Variants in RBFOX3 observed in about 807,000 individuals in gnomAD.
RBFOX3 encodes RNA binding fox-1 homolog 3, also known as RNA binding protein fox-1 homolog 3.
In RBFOX3, 17 loss-of-function variants were observed where a neutral mutation model predicts 48.7. The observed-to-expected ratio is 0.35, with a 90% CI of 0.24 to 0.52. The LOEUF (loss-of-function observed/expected upper bound fraction) is 0.52. Among genes scored for constraint, RBFOX3 ranks in the 20% least tolerant of loss-of-function variants. RBFOX3 has a pLI of 0.94. For missense variants in RBFOX3, 382 were observed against 497.5 expected (o/e 0.77, Z 2.21); for synonymous variants, 212 against 209.5 (o/e 1.01, Z -0.10).
chr17:79,481,236 C>T lies in RBFOX3; in HGVS notation c.-175+1218G>A, dbSNP rs1322575280. Among the ~76,000 whole-genome samples, 1 of 152,194 alleles carries T rather than the reference C, an allele frequency of 6.6e-6. No homozygotes were observed. Among genetic ancestry groups the T allele is most frequent in the Non-Finnish European group, 1.5e-5 (1 of 68,034 alleles). ...GTTCTCGTCGGCATCATCTGCTCAG[C>T]CTACAGTGGGTCATCATGCAAAGCC... On this transcript the variant is annotated intron_variant, in intron 2 of 14. Coordinates refer to ENST00000693108, the MANE Select transcript of RBFOX3 (RefSeq NM_001350451.2). The surrounding 1 kb of genome is among the most constrained non-coding windows in gnomAD (Gnocchi z 5.4).
intron 2 of RBFOX3, among the ~76,000 whole-genome samples, chr17:79,379,854 T>C (rs1331303503): frequency 6.6e-6 from 1 of 152,072 alleles, no homozygotes; most frequent in Admixed American, 6.5e-5. Context: ...TCCCTCTAGT[T>C]ACCCACCTAA....
chr17:79,101,783 C>A lies in RBFOX3; in HGVS notation c.508-139G>T, dbSNP rs1306730211. On this transcript the variant is annotated intron_variant, in intron 8 of 14. Coordinates refer to ENST00000693108, the MANE Select transcript of RBFOX3 (RefSeq NM_001350451.2). Reference sequence around the variant, plus strand: ...TCCTCTCTCCACCATGCTGCCTGCCCTCCGGGAGCCTTGGCCCCCACTGCT... The same window carrying A: ...TCCTCTCTCCACCATGCTGCCTGCCATCCGGGAGCCTTGGCCCCCACTGCT... The A allele has an allele frequency of 1.6e-5, 13 of 795,136 alleles. No homozygotes were observed. The Admixed American group carries it at 2.0e-4, about 12-fold the overall frequency. The allele number at this position is 795,136 out of a possible 1,614,324, so 49.3% of individuals were successfully genotyped here. A position where few individuals can be genotyped will look rare whatever the true frequency, so the allele number is the denominator to read the frequency against.
At chr17:79,411,848 C>G (rs780450687) in intron 2 of RBFOX3, among the ~76,000 whole-genome samples, 6 of 152,116 alleles carry the variant, frequency 3.9e-5, no homozygotes, top group Non-Finnish European at 7.3e-5. Context: ...ATACTGGGGC[C>G]AATTAAATGG....
At chr17:79,578,677 A>T (rs1005422491) in intron 1 of RBFOX3, among the ~76,000 whole-genome samples, 7 of 152,322 alleles carry the variant, frequency 4.6e-5, no homozygotes, top group Admixed American at 6.5e-5. Context: ...TGGGAGAGGA[A>T]CTCCCTGACT....
At chr17:79,579,041 C>A (rs913408918) in intron 1 of RBFOX3, among the ~76,000 whole-genome samples, 1 of 152,226 alleles carries the variant, frequency 6.6e-6, no homozygotes, top group Non-Finnish European at 1.5e-5. Flanking sequence ...GGTCCATCTC[C>A]CATGCGTCTC....
chr17:79,318,854 C>CAAAAAAAAAAAAAAAAAA lies in RBFOX3; in HGVS notation c.-174-11048_-174-11031dup. Reference sequence around the variant, plus strand: ...TGGGTGACAGAGCGAGACTCCATCTCAAAAAAAAAAAAAAAAAAAAAAAAA... The same window carrying CAAAAAAAAAAAAAAAAAA: ...TGGGTGACAGAGCGAGACTCCATCTCAAAAAAAAAAAAAAAAAAAAAAAAAAAAAAAAAAAAAAAAAAA... On this transcript the variant is annotated intron_variant, in intron 2 of 14. Transcript: ENST00000693108. 6.8e-3 allele frequency among the ~76,000 whole-genome samples: 222 copies of CAAAAAAAAAAAAAAAAAA among 32,534 alleles called. 29 individuals carry two copies. Among genetic ancestry groups the CAAAAAAAAAAAAAAAAAA allele is most frequent in the Non-Finnish European group, 8.8e-3 (174 of 19,786 alleles). The allele number at this position is 32,534 out of a possible 152,430, so 21.3% of individuals were successfully genotyped here. A position where few individuals can be genotyped will look rare whatever the true frequency, so the allele number is the denominator to read the frequency against.
chr17:79,605,755 CA>C (rs1294616341), intron 1 of RBFOX3, among the ~76,000 whole-genome samples: 1 of 152,210 alleles, frequency 6.6e-6, no homozygotes, highest in Non-Finnish European at 1.5e-5. Flanking sequence ...CTTGCAGTAG[CA>C]AGTGCTTGGC....
intron 3 of RBFOX3, among the ~76,000 whole-genome samples, chr17:79,253,531 AT>A (rs976234908): frequency 3.7e-4 from 56 of 151,346 alleles, no homozygotes; most frequent in East Asian, 1.5e-3. Context: ...ATTAAATGAA[AT>A]TTTTTTTTTA....
chr17:79,133,385 TGTTTGCTGAGCACCTACTAG>T lies in RBFOX3; in HGVS notation c.-33-17657_-33-17638del, dbSNP rs537122872. 6.9e-3 allele frequency among the ~76,000 whole-genome samples: 1,048 copies of T among 152,308 alleles called. 4 individuals are homozygous for T. Among genetic ancestry groups the T allele is most frequent in the Non-Finnish European group, 0.011 (742 of 68,018 alleles). ...CCTTCCCACTCACTCAGCTGAGATC[TGTTTGCTGAGCACCTACTAG>T]GTTTGCTGAGCACCTACTAGCCATC... On this transcript the variant is annotated intron_variant, in intron 4 of 14. Coordinates refer to ENST00000693108, the MANE Select transcript of RBFOX3 (RefSeq NM_001350451.2).
chr17:79,614,777 A>G (rs1224971211), upstream of RBFOX3, among the ~76,000 whole-genome samples: 2 of 152,184 alleles, frequency 1.3e-5, no homozygotes, highest in Non-Finnish European at 2.9e-5. Context: ...AGGCTGGAAG[A>G]GAAAAGTAAG....
At chr17:79,132,436 C>T (rs2039162340) in intron 4 of RBFOX3, among the ~76,000 whole-genome samples, 1 of 152,238 alleles carries the variant, frequency 6.6e-6, no homozygotes, top group Non-Finnish European at 1.5e-5. Flanking sequence ...TCTGAGTGTG[C>T]ACGTGTGTGT....
At position 79,361,486 on chromosome 17, in the gene RBFOX3, C is replaced by T. The variant is rs1218043086; in HGVS notation, c.-174-53662G>A. On this transcript the variant is annotated intron_variant, in intron 2 of 14. Transcript: ENST00000693108. The surrounding 1 kb of genome is among the most constrained non-coding windows in gnomAD (Gnocchi z 4.5). ...ACCAGGACCTGCAGCACCTTGCCAA[C>T]ACCCTGGCCACCACCTCCTGCCCCT... Among the ~76,000 whole-genome samples, 2 of 152,218 alleles carry T rather than the reference C, an allele frequency of 1.3e-5. No homozygotes were observed. The highest frequency in any genetic ancestry group is 2.9e-5 in the Non-Finnish European group (2 of 68,042).
chr17:79,338,269 G>T (rs1180694676), intron 2 of RBFOX3, among the ~76,000 whole-genome samples: 1 of 152,104 alleles, frequency 6.6e-6, no homozygotes, highest in Non-Finnish European at 1.5e-5. Flanking sequence ...GGGCTGGAAG[G>T]AACTGGGGTT....
chr17:79,312,536 C>T (rs1230644975), intron 2 of RBFOX3, among the ~76,000 whole-genome samples: 2 of 152,072 alleles, frequency 1.3e-5, no homozygotes, highest in East Asian at 1.9e-4. Flanking sequence ...CTAGGCCAGA[C>T]CAGACCAGGG....
At chr17:79,143,611 C>T (rs1306798240) in intron 4 of RBFOX3, among the ~76,000 whole-genome samples, 3 of 152,194 alleles carry the variant, frequency 2.0e-5, no homozygotes, top group Non-Finnish European at 4.4e-5. Context: ...CACCTCTGCT[C>T]TGGCCACAGG....
intron 2 of RBFOX3, among the ~76,000 whole-genome samples, chr17:79,463,165 T>C (rs1158139452): frequency 4.9e-3 from 247 of 50,142 alleles, no homozygotes; most frequent in Non-Finnish European, 6.4e-3. Context: ...CCATCGCCAC[T>C]GCCACCTCCA....
At chr17:79,265,509 C>T (rs774922718) in intron 3 of RBFOX3, among the ~76,000 whole-genome samples, 1 of 152,220 alleles carries the variant, frequency 6.6e-6, no homozygotes, top group African/African-American at 2.4e-5. Flanking sequence ...AGGACTGCCA[C>T]TTTATTAACT....
intron 4 of RBFOX3, among the ~76,000 whole-genome samples, chr17:79,193,150 T>C (rs2054855952): frequency 6.6e-6 from 1 of 152,132 alleles, no homozygotes; most frequent in African/African-American, 2.4e-5. Context: ...CATGCCGGCA[T>C]GGCTGCCGTT....
intron 2 of RBFOX3, among the ~76,000 whole-genome samples, chr17:79,469,528 G>A (rs1334368297): frequency 6.6e-6 from 1 of 152,198 alleles, no homozygotes; most frequent in Non-Finnish European, 1.5e-5. Flanking sequence ...TGTCCTGCAG[G>A]TAAGCAGCTG....
Sources: gnomAD v4.1 joint callset for allele counts (sites outside exome capture counted in the v4.1 genomes callset) on GRCh38, gnomAD v4.1.1 for gene constraint, Gnocchi (gnomAD v3.1) non-coding constraint, MANE v1.5 for transcripts, NCBI Gene and HGNC (gene_info 2026-07-23, HGNC 2026-07-21) for gene names.